ITGA9: variants seen among roughly 807,000 people sequenced by gnomAD.
ITGA9 encodes the protein integrin subunit alpha 9.
Under a neutral mutation model 127.8 loss-of-function variants are expected in ITGA9, and 56 were observed. The observed-to-expected ratio is 0.44, with a 90% CI of 0.35 to 0.55. The LOEUF (loss-of-function observed/expected upper bound fraction) is 0.55, where lower values mean the gene tolerates loss of function less well. Ranked by LOEUF, ITGA9 falls within the 20% of genes least tolerant of loss-of-function variation. ITGA9 has a pLI of 0.00. For synonymous variants in ITGA9, 508 were observed against 514.5 expected, an observed-to-expected ratio of 0.99 and a Z score of 0.17; for missense variants, 1,196 against 1,347.1, an observed-to-expected ratio of 0.89 and a Z score of 1.76.
chr3:37,479,912 A>G (rs1186510902), intron 3 of ITGA9, among the ~76,000 whole-genome samples: 1 of 152,222 alleles, frequency 6.6e-6, no homozygotes, highest in African/African-American at 2.4e-5. Context: ...AGAAGAGGTC[A>G]GAGGTAGGCC....
intron 15 of ITGA9, among the ~76,000 whole-genome samples, chr3:37,627,384 G>A (rs1038516216): frequency 1.3e-5 from 2 of 151,932 alleles, no homozygotes; most frequent in Admixed American, 6.6e-5. Context: ...CTCCTCTCTG[G>A]GGCTGCTGCG....
At chr3:37,509,000 A>C (rs1000531642) in intron 8 of ITGA9, among the ~76,000 whole-genome samples, 2 of 152,200 alleles carry the variant, frequency 1.3e-5, no homozygotes, top group Admixed American at 6.5e-5. Flanking sequence ...TACAGGTAGC[A>C]ATAAATGCTT....
intron 18 of ITGA9, among the ~76,000 whole-genome samples, chr3:37,687,959 TC>T (rs1472559990): frequency 3.3e-5 from 5 of 152,202 alleles, no homozygotes; most frequent in African/African-American, 1.2e-4. Flanking sequence ...GGGCTTGTCT[TC>T]CTCAGACCCT....
At position 37,618,944 on chromosome 3, in the gene ITGA9, C is replaced by T. The variant is rs12636759; in HGVS notation, c.1690-10243C>T. Among the ~76,000 whole-genome samples, 74 of 152,220 alleles carry T rather than the reference C, an allele frequency of 4.9e-4. No homozygotes were observed. The East Asian group carries it at 0.011, about 23-fold the overall frequency. ...TGATGCCTCGCCCTGCTTCGGCTCA[C>T]GCTTGGTGTGCTGCACCCACTGTCC... On this transcript the variant is annotated intron_variant, in intron 15 of 27. Coordinates refer to ENST00000264741, the MANE Select transcript of ITGA9 (RefSeq NM_002207.3).
At chr3:37,606,649 G>C (rs981461865) in intron 15 of ITGA9, among the ~76,000 whole-genome samples, 1 of 152,168 alleles carries the variant, frequency 6.6e-6, no homozygotes, top group African/African-American at 2.4e-5. Context: ...ATGGGGGATT[G>C]CTTTTGCCAT....
intron 23 of ITGA9, among the ~76,000 whole-genome samples, chr3:37,763,231 G>A (rs1696742709): frequency 6.6e-6 from 1 of 152,198 alleles, no homozygotes; most frequent in Admixed American, 6.5e-5. Context: ...AAAAGCAAGA[G>A]GATAGGGATT....
At chr3:37,731,501 TTATA>T (rs1204700336) in intron 18 of ITGA9, among the ~76,000 whole-genome samples, 1 of 152,214 alleles carries the variant, frequency 6.6e-6, no homozygotes, top group Non-Finnish European at 1.5e-5. Flanking sequence ...AGTTTTATAT[TTATA>T]TATCTCTTAT....
At chr3:37,572,835 T>G (rs1456980294) in intron 15 of ITGA9, among the ~76,000 whole-genome samples, 1 of 152,246 alleles carries the variant, frequency 6.6e-6, no homozygotes, top group African/African-American at 2.4e-5. Context: ...ATTTTTTACC[T>G]GTTACTGCTT....
intron 23 of ITGA9, among the ~76,000 whole-genome samples, chr3:37,767,226 CT>C (rs1696790252): frequency 1.3e-5 from 2 of 152,168 alleles, no homozygotes; most frequent in South Asian, 4.1e-4. Context: ...CATACAGAGG[CT>C]GTGCATTGGA....
At chr3:37,784,416 C>G (rs1250896444) in intron 25 of ITGA9, among the ~76,000 whole-genome samples, 2 of 152,144 alleles carry the variant, frequency 1.3e-5, no homozygotes, top group Non-Finnish European at 2.9e-5. Context: ...CTCCTTAATT[C>G]ATAAGCCAGA....
At chr3:37,628,783 A>G (rs965190042) in intron 15 of ITGA9, among the ~76,000 whole-genome samples, 1 of 152,198 alleles carries the variant, frequency 6.6e-6, no homozygotes, top group Admixed American at 6.5e-5. Context: ...CACAAAATCC[A>G]TATTTATCTC....
At chr3:37,730,765 G>A (rs539011338) in intron 18 of ITGA9, among the ~76,000 whole-genome samples, 3 of 152,330 alleles carry the variant, frequency 2.0e-5, no homozygotes, top group African/African-American at 4.8e-5. Flanking sequence ...AGTGTTTGGG[G>A]ACAAGACAGA....
intron 11 of ITGA9, among the ~76,000 whole-genome samples, chr3:37,519,895 G>A (rs1699027198): frequency 6.6e-6 from 1 of 152,158 alleles, no homozygotes; most frequent in Non-Finnish European, 1.5e-5. Context: ...ATGGTGTCAA[G>A]CCCAGCCCAT....
intron 1 of ITGA9, among the ~76,000 whole-genome samples, chr3:37,458,830 A>T (rs1698287181): frequency 6.6e-6 from 1 of 152,236 alleles, no homozygotes; most frequent in Non-Finnish European, 1.5e-5. Flanking sequence ...GCTGACTCAC[A>T]AGGTGCCTCT....
intron 4 of ITGA9, among the ~76,000 whole-genome samples, chr3:37,488,890 C>T (rs1195365307): frequency 6.6e-6 from 1 of 152,132 alleles, no homozygotes; most frequent in East Asian, 1.9e-4. Flanking sequence ...TATGTACATT[C>T]ACACTGCCAT....
chr3:37,661,379 G>A (rs779914418), intron 17 of ITGA9, among the ~76,000 whole-genome samples: 2 of 152,138 alleles, frequency 1.3e-5, no homozygotes, highest in African/African-American at 4.8e-5. Flanking sequence ...CCTTTTGGCC[G>A]AATCCTCCAT....
At chr3:37,495,480 A>G (rs1698718414) in intron 5 of ITGA9, among the ~76,000 whole-genome samples, 1 of 152,236 alleles carries the variant, frequency 6.6e-6, no homozygotes. Context: ...CTGTCTATCC[A>G]TGTGGTTGCT....
At chr3:37,683,832 AG>A (rs1265260502) in intron 17 of ITGA9, 32 bp from the exon 18 acceptor site, 1 of 1,611,992 alleles carries the variant, frequency 6.2e-7, no homozygotes, top group African/African-American at 1.3e-5. Context: ...TGTAGGCCTC[AG>A]GGCATTCATT....
intron 15 of ITGA9, among the ~76,000 whole-genome samples, chr3:37,556,504 C>T (rs1450600308): frequency 6.6e-6 from 1 of 152,222 alleles, no homozygotes; most frequent in Admixed American, 6.5e-5. Context: ...CGTTCTTTCT[C>T]TCTGGACCAG....
Sources: gnomAD v4.1 joint callset for allele counts (sites outside exome capture counted in the v4.1 genomes callset) on GRCh38, gnomAD v4.1.1 for gene constraint, MANE v1.5 for transcripts, NCBI Gene and HGNC (gene_info 2026-07-23, HGNC 2026-07-21) for gene names.